The following MGA variants were observed in gnomAD, a reference collection of about 807,000 sequenced individuals.
The protein encoded by MGA is MAX gene-associated protein.
MGA carries 40 observed loss-of-function variants against 261.1 expected under a neutral mutation model. The observed-to-expected ratio is 0.15, with a 90% CI of 0.12 to 0.20. The LOEUF (loss-of-function observed/expected upper bound fraction) is 0.20. Among genes scored for constraint, MGA ranks in the 10% least tolerant of loss-of-function variants. The pLI is 1.00. For synonymous variants in MGA, 1,302 were observed against 1,290.6 expected, an observed-to-expected ratio of 1.01 and a Z score of -0.19; for missense variants, 3,397 against 3,630.5, an observed-to-expected ratio of 0.94 and a Z score of 1.65.
chr15:41,694,241 C>T (rs1444170908), intron 2 of MGA, among the ~76,000 whole-genome samples: 1 of 151,780 alleles, frequency 6.6e-6, no homozygotes, highest in African/African-American at 2.4e-5. Context: ...CATGGTAAAA[C>T]CCTATCTCTA....
At chr15:41,628,837 A>G (rs2056522427) in intron 1 of MGA, among the ~76,000 whole-genome samples, 1 of 152,176 alleles carries the variant, frequency 6.6e-6, no homozygotes, top group Non-Finnish European at 1.5e-5. Flanking sequence ...GCTTTGCTGC[A>G]GAGGCAATTA....
intron 2 of MGA, among the ~76,000 whole-genome samples, chr15:41,695,189 T>C (rs2059493874): frequency 6.8e-6 from 1 of 146,858 alleles, no homozygotes; most frequent in Non-Finnish European, 1.5e-5. Flanking sequence ...TGTGGAATCT[T>C]TTTTTTTTTT....
chr15:41,663,689 T>G (rs1032561538), intron 1 of MGA, among the ~76,000 whole-genome samples: 3 of 152,112 alleles, frequency 2.0e-5, no homozygotes, highest in African/African-American at 7.2e-5. Context: ...CAGGCTGATC[T>G]TGAACTCCTG....
Position 41,669,230 on chromosome 15 carries a change from A to G in MGA, c.336A>G (p.Ile112Met). 1 of 1,614,006 alleles carries G rather than the reference A, an allele frequency of 6.2e-7. No homozygotes were observed. ...TGTTTCCTTACTGTCGTTATTGGAT[A>G]ACAGGTTTAGATTCAAATTTGAAGT... is the stretch of plus-strand genomic sequence containing the variant. Residue 112 changes from isoleucine to methionine, a missense_variant, in exon 2 of 24, where the codon ATA becomes ATG. Around this residue, in one of 9 missense-constraint regions of MGA, gnomAD observed 104 missense variants for 212.9 expected, o/e 0.49. Transcript: ENST00000219905.
At chr15:41,634,856 A>G (rs1444592313) in intron 1 of MGA, among the ~76,000 whole-genome samples, 1 of 152,202 alleles carries the variant, frequency 6.6e-6, no homozygotes, top group Non-Finnish European at 1.5e-5. Flanking sequence ...CAGGCTAAGG[A>G]GCAGGTATTT....
At chr15:41,641,487 CTTTT>C (rs35157141) in intron 1 of MGA, among the ~76,000 whole-genome samples, 1 of 123,690 alleles carries the variant, frequency 8.1e-6, no homozygotes, top group Non-Finnish European at 1.7e-5. Flanking sequence ...CATCCTAACA[CTTTT>C]TTTTTTTTTT....
Position 41,702,135 on chromosome 15 carries a change from C to T in MGA, c.2188+2976C>T, listed in dbSNP as rs140629468. On this transcript the variant is annotated intron_variant, in intron 5 of 23. Transcript: ENST00000219905. Reference sequence around the variant, plus strand: ...GGGAGTTCGAGACTAGCCTGGCCAACGTGGCGAAACTCCGTCTCTACTAAA... The same window carrying T: ...GGGAGTTCGAGACTAGCCTGGCCAATGTGGCGAAACTCCGTCTCTACTAAA... 9.1e-3 allele frequency among the ~76,000 whole-genome samples: 1,390 copies of T among 152,086 alleles called. 11 individuals are homozygous for T. The highest frequency in any genetic ancestry group is 0.037 in the Middle Eastern group (11 of 294).
intron 9 of MGA, among the ~76,000 whole-genome samples, chr15:41,726,597 C>T (rs2061260711): frequency 6.6e-6 from 1 of 151,868 alleles, no homozygotes; most frequent in African/African-American, 2.4e-5. Context: ...GGTGTGGTGG[C>T]ATATACCTGT....
At chr15:41,741,366 AAAG>A (rs2062091118) in intron 14 of MGA, among the ~76,000 whole-genome samples, 1 of 151,546 alleles carries the variant, frequency 6.6e-6, no homozygotes, top group Non-Finnish European at 1.5e-5. Context: ...AAAAAAAAAA[AAAG>A]AATCTATTTT....
rs2062746266 is a variant in MGA at position 41,750,059 on chromosome 15, A to T, written c.6452A>T (p.Gln2151Leu). The change falls in exon 17 of 24, where the codon CAA becomes CTA. Residue 2151 changes from glutamine (Q) to leucine (L), a missense_variant. Physicochemically the swap from Gln to Leu is moderately radical, Grantham distance 113. This residue lies in a region of MGA where 1,410 missense variants were observed against 1,386.4 expected (regional missense o/e 1.02). Coordinates refer to ENST00000219905, the MANE Select transcript of MGA (RefSeq NM_001164273.2). ...TCAGGAAGCAAAGTTATGGAGCAGC[A>T]ATCTAATCTACAGCCAGAGGCCAAA... is the stretch of plus-strand genomic sequence containing the variant. The T allele has an allele frequency of 6.2e-7, 1 of 1,613,466 alleles. No homozygotes were observed. Among genetic ancestry groups the T allele is most frequent in the Non-Finnish European group, 8.5e-7 (1 of 1,179,690 alleles).
chr15:41,663,522 T>C (rs77239815), intron 1 of MGA, among the ~76,000 whole-genome samples: 1,998 of 152,006 alleles, frequency 0.013, 49 homozygotes, highest in African/African-American at 0.046. Context: ...TGAGACCGAG[T>C]CTCACACTAT....
intron 1 of MGA, among the ~76,000 whole-genome samples, chr15:41,662,806 A>G (rs1353592839): frequency 6.8e-6 from 1 of 146,702 alleles, no homozygotes; most frequent in Non-Finnish European, 1.5e-5. Context: ...TCTTATAGTG[A>G]AGGATCATAT....
chr15:41,766,171 G>A lies in MGA; in HGVS notation c.8089G>A (p.Asp2697Asn). Residue 2697 changes from aspartate (D) to asparagine (N), a missense_variant, in exon 24 of 24, where the codon GAT becomes AAT. Coordinates refer to ENST00000219905, the MANE Select transcript of MGA (RefSeq NM_001164273.2). ...CAGGAATGAAGATAATTCCTTAGAG[G>A]ATAAGGGTAGAATCTCTTCCAGAGG... 6.2e-7 allele frequency: 1 copy of A among 1,613,986 alleles called. No individual in the cohort carries two copies. The highest frequency in any genetic ancestry group is 8.5e-7 in the Non-Finnish European group (1 of 1,179,892).
At chr15:41,667,426 A>G (rs2057810258) in intron 1 of MGA, among the ~76,000 whole-genome samples, 1 of 151,920 alleles carries the variant, frequency 6.6e-6, no homozygotes, top group Non-Finnish European at 1.5e-5. Context: ...TTTTATTTTT[A>G]GTAGAGACAG....
chr15:41,766,331 A>C lies in MGA; in HGVS notation c.8249A>C (p.Asp2750Ala), dbSNP rs1240573341. The C allele has an allele frequency of 6.8e-6, 11 of 1,613,934 alleles. No individual in the cohort carries two copies. Among genetic ancestry groups the C allele is most frequent in the African/African-American group, 1.3e-5 (1 of 75,062 alleles). Residue 2750 changes from aspartate (D) to alanine (A), a missense_variant, in exon 24 of 24, where the codon GAT becomes GCT. Asp to Ala is a moderately radical substitution (Grantham distance 126). This residue lies in a region of MGA where 647 missense variants were observed against 642.4 expected (regional missense o/e 1.01). Transcript: ENST00000219905. ...TTCTTACCTAAAAAGATTTCTGGTGATATGAGAGGGATTCAGTATAAATGG... is the reference window on the plus strand; with the variant it reads ...TTCTTACCTAAAAAGATTTCTGGTGCTATGAGAGGGATTCAGTATAAATGG...
In MGA at chr15:41,769,298, C is replaced by T. The variant is rs534600557; in HGVS notation, c.*2018C>T. On this transcript the variant is annotated 3_prime_UTR_variant, in exon 24 of 24. Transcript: ENST00000219905. ...GAAGGACCATTTTAGCTTAACACTT[C>T]CTTTTTTTTTTTTTTTTTTTTAAGA... is the stretch of plus-strand genomic sequence containing the variant. The T allele has an allele frequency of 8.5e-6, 1 of 117,704 alleles. No homozygotes were observed. Among genetic ancestry groups the T allele is most frequent in the African/African-American group, 3.2e-5 (1 of 31,382 alleles). 7.3% of individuals were successfully genotyped at this position (117,704 alleles called of 1,614,324 possible).
chr15:41,626,378 A>C (rs1051902700), intron 1 of MGA, among the ~76,000 whole-genome samples: 1 of 149,904 alleles, frequency 6.7e-6, no homozygotes, highest in African/African-American at 2.5e-5. Context: ...TTAGCCTCCC[A>C]AGTAGCTGTG....
At chr15:41,674,469 A>G (rs2058263421) in intron 2 of MGA, among the ~76,000 whole-genome samples, 1 of 152,100 alleles carries the variant, frequency 6.6e-6, no homozygotes, top group African/African-American at 2.4e-5. Context: ...AAGTGTTAGG[A>G]TTATAGGCAT....
chr15:41,633,470 CTG>C (rs1385519783), intron 1 of MGA, among the ~76,000 whole-genome samples: 2 of 151,682 alleles, frequency 1.3e-5, no homozygotes, highest in Non-Finnish European at 2.9e-5. Flanking sequence ...CCTCCCACCT[CTG>C]CCTCCCTAGT....
Sources: gnomAD v4.1 joint callset for allele counts (sites outside exome capture counted in the v4.1 genomes callset) on GRCh38, gnomAD v4.1.1 for gene constraint, gnomAD v4.1.1 regional missense constraint, MANE v1.5 for transcripts, NCBI Gene and HGNC (gene_info 2026-07-23, HGNC 2026-07-21) for gene names.